Variants in CLVS1 observed in about 807,000 individuals in gnomAD.
CLVS1 encodes clavesin-1.
A neutral mutation model predicts 33.1 loss-of-function variants in CLVS1; 10 were observed. The observed-to-expected ratio is 0.30, with a 90% CI of 0.19 to 0.51. The LOEUF (loss-of-function observed/expected upper bound fraction) is 0.51, where lower values mean the gene tolerates loss of function less well. Among genes scored for constraint, CLVS1 ranks in the 20% least tolerant of loss-of-function variants. The pLI is 0.97. For synonymous variants in CLVS1, 163 were observed against 166.1 expected (o/e 0.98, Z 0.14); for missense variants, 343 against 433.4 (o/e 0.79, Z 1.85).
At chr8:61,086,301 T>C (rs1276902878) in intron 1 of CLVS1, among the ~76,000 whole-genome samples, 1 of 152,042 alleles carries the variant, frequency 6.6e-6, no homozygotes, top group Non-Finnish European at 1.5e-5. Context: ...CCTAGGAGAC[T>C]CAATTTGCAT....
chr8:61,459,596 T>A (rs1349780970), intron 5 of CLVS1, among the ~76,000 whole-genome samples: 3 of 151,850 alleles, frequency 2.0e-5, no homozygotes, highest in Non-Finnish European at 4.4e-5. Flanking sequence ...ACATAAGATG[T>A]GAAACCTGAT....
At chr8:61,255,123 C>A (rs1809049500) in intron 2 of CLVS1, among the ~76,000 whole-genome samples, 1 of 152,140 alleles carries the variant, frequency 6.6e-6, no homozygotes, top group Admixed American at 6.5e-5. Flanking sequence ...TGAGATGACA[C>A]TACCTTGTAA....
At chr8:61,006,231 G>A in the CLVS1 span, among the ~76,000 whole-genome samples, 1 of 152,208 alleles carries the variant, frequency 6.6e-6, no homozygotes, top group Non-Finnish European at 1.5e-5. Context: ...AAGGGTAATG[G>A]CCAGAAGCCA....
intron 2 of CLVS1, chr8:61,370,307 C>G (rs1813380559): frequency 6.6e-6 from 1 of 152,020 alleles, no homozygotes; most frequent in Non-Finnish European, 1.5e-5. Flanking sequence ...GTCACCTGAA[C>G]AGTGTACACT....
At chr8:61,349,574 T>C (rs56023054) in intron 2 of CLVS1, among the ~76,000 whole-genome samples, 2 of 151,796 alleles carry the variant, frequency 1.3e-5, no homozygotes, top group Admixed American at 6.6e-5. Flanking sequence ...ACCAGGAAGG[T>C]TTTTTTGTTT....
At position 61,132,147 on chromosome 8, in the gene CLVS1, G is replaced by A. The variant is rs561655003; in HGVS notation, c.-152+287G>A. Among the ~76,000 whole-genome samples, 95 of 152,390 alleles carry A rather than the reference G, an allele frequency of 6.2e-4. 1 individual carries two copies. The South Asian group carries it at 0.018, about 29-fold the overall frequency. On this transcript the variant is annotated intron_variant, in intron 2 of 2. Coordinates refer to the CLVS1 transcript ENST00000522621. ...AATAGCACCTGCTCAGAGAAACAAC[G>A]AGGCTGGACCTGCAAAATGAGCTTG...
At chr8:61,243,799 T>C (rs1275315293) in intron 2 of CLVS1, among the ~76,000 whole-genome samples, 1 of 152,230 alleles carries the variant, frequency 6.6e-6, no homozygotes, top group Non-Finnish European at 1.5e-5. Flanking sequence ...TTATGTCTAC[T>C]GTATGGTTTA....
At chr8:61,077,054 T>A (rs960894368) in intron 1 of CLVS1, among the ~76,000 whole-genome samples, 4 of 152,196 alleles carry the variant, frequency 2.6e-5, no homozygotes, top group Non-Finnish European at 4.4e-5. Context: ...GGACTTAGCT[T>A]AGAAACCGTA....
At chr8:61,392,489 C>G (rs16927256) in intron 3 of CLVS1, among the ~76,000 whole-genome samples, 2,581 of 152,286 alleles carry the variant, frequency 0.017, 82 homozygotes, top group African/African-American at 0.058. Context: ...TTTCTGCATT[C>G]CCACTGGTAC....
intron 2 of CLVS1, among the ~76,000 whole-genome samples, chr8:61,187,302 G>A (rs1285360049): frequency 1.3e-5 from 2 of 152,004 alleles, no homozygotes; most frequent in Admixed American, 1.3e-4. Context: ...ATAGCTCAAA[G>A]TAATAAAAAT....
chr8:61,006,198 C>T, the CLVS1 span, among the ~76,000 whole-genome samples: 3 of 152,190 alleles, frequency 2.0e-5, no homozygotes, highest in African/African-American at 7.2e-5. Context: ...AGCTAGTGAA[C>T]TGTGCTGTTG....
In CLVS1 at chr8:61,079,911, G is replaced by T. The variant is rs148513596; in HGVS notation, c.-243+22681G>T. 2.5e-3 allele frequency among the ~76,000 whole-genome samples: 384 copies of T among 152,210 alleles called. 2 individuals carry two copies. The highest frequency in any genetic ancestry group is 9.0e-3 in the African/African-American group (373 of 41,512). ...AATGTCTATTTCATCACAATAAAAA[G>T]AAGTCAGTAGAAAAAGTTTACCTTA... On this transcript the variant is annotated intron_variant, in intron 1 of 2. Coordinates refer to the CLVS1 transcript ENST00000522621.
Position 61,095,108 on chromosome 8 carries a change from A to G in CLVS1, c.-242-36662A>G, listed in dbSNP as rs1342018703. ...TGATTAAGTCTCTATCTCCTTTCATATTCATAACATATTTACTGCCAAATT... is the reference window on the plus strand; with the variant it reads ...TGATTAAGTCTCTATCTCCTTTCATGTTCATAACATATTTACTGCCAAATT... On this transcript the variant is annotated intron_variant, in intron 1 of 2. Transcript: ENST00000522621. Among the ~76,000 whole-genome samples the G allele has an allele frequency of 3.3e-5, 5 of 152,198 alleles. No homozygotes were observed. In the East Asian group the frequency reaches 9.6e-4, roughly 29 times the overall value.
intron 2 of CLVS1, among the ~76,000 whole-genome samples, chr8:61,138,094 AAT>A (rs1214830182): frequency 6.6e-6 from 1 of 152,178 alleles, no homozygotes; most frequent in African/African-American, 2.4e-5. Context: ...TATAATGAAG[AAT>A]AGAGTATTTG....
chr8:61,370,949 A>G (rs4737585), intron 2 of CLVS1, among the ~76,000 whole-genome samples: 104,107 of 152,102 alleles, frequency 0.68, 36,400 homozygotes, highest in Non-Finnish European at 0.75. Flanking sequence ...AAATTATCCC[A>G]CTATAAACAT....
intron 3 of CLVS1, among the ~76,000 whole-genome samples, chr8:61,433,308 C>T (rs1816184811): frequency 6.6e-6 from 1 of 152,192 alleles, no homozygotes; most frequent in African/African-American, 2.4e-5. Context: ...CTGTATTTTA[C>T]ACATGAAAAG....
At chr8:61,082,997 AAAG>A (rs71559326) in intron 1 of CLVS1, among the ~76,000 whole-genome samples, 1 of 136,292 alleles carries the variant, frequency 7.3e-6, no homozygotes, top group African/African-American at 2.8e-5. Context: ...ACATAAAAAA[AAAG>A]AAGAAGAAAT....
chr8:61,391,964 T>C (rs1009414655), intron 3 of CLVS1, among the ~76,000 whole-genome samples: 1 of 152,234 alleles, frequency 6.6e-6, no homozygotes, highest in Non-Finnish European at 1.5e-5. Flanking sequence ...TATCATTAAG[T>C]ACTTTGGTAC....
intron 1 of CLVS1, among the ~76,000 whole-genome samples, chr8:61,084,654 A>G (rs1805085407): frequency 6.6e-6 from 1 of 152,228 alleles, no homozygotes; most frequent in Non-Finnish European, 1.5e-5. Context: ...AACCTTGCAT[A>G]TATATTTAGA....
Sources: gnomAD v4.1 joint callset for allele counts (sites outside exome capture counted in the v4.1 genomes callset) on GRCh38, gnomAD v4.1.1 for gene constraint, MANE v1.5 for transcripts, NCBI Gene and HGNC (gene_info 2026-07-23, HGNC 2026-07-21) for gene names.